OPHN1: variants seen among roughly 807,000 people sequenced by gnomAD.
OPHN1 encodes the protein oligophrenin-1.
In OPHN1, 11 loss-of-function variants were observed where a neutral mutation model predicts 60.7. The ratio of observed to expected loss-of-function variants is 0.18; its 90% CI spans 0.11 to 0.30. OPHN1 has a LOEUF of 0.30. Ranked by LOEUF, OPHN1 falls within the 10% of genes least tolerant of loss-of-function variation. The pLI is 1.00. For synonymous variants in OPHN1, 226 were observed against 222.6 expected (o/e 1.02, Z -0.14); for missense variants, 449 against 611.0 (o/e 0.73, Z 2.80).
chrX:68,266,791 T>C (rs1165484055), intron 5 of OPHN1, among the ~76,000 whole-genome samples: 4 of 111,058 alleles, frequency 3.6e-5, no homozygotes, highest in Non-Finnish European at 7.5e-5. Flanking sequence ...CCATCTCTCG[T>C]GCAGAGACAC....
At chrX:68,253,972 G>A (rs2077848905) in intron 5 of OPHN1, among the ~76,000 whole-genome samples, 2 of 111,880 alleles carry the variant, frequency 1.8e-5, no homozygotes, top group African/African-American at 6.5e-5. Context: ...GCGTCTAGGG[G>A]GTAACGGCAC....
chrX:68,107,438 C>T (rs1289242373), intron 18 of OPHN1, among the ~76,000 whole-genome samples: 6 of 111,539 alleles, frequency 5.4e-5, no homozygotes, highest in Admixed American at 1.9e-4. Context: ...ATTCAGGCTA[C>T]GTATTTTTGG....
intron 2 of OPHN1, among the ~76,000 whole-genome samples, chrX:68,335,268 C>T (rs2078316598): frequency 1.8e-5 from 2 of 110,994 alleles, no homozygotes; most frequent in African/African-American, 6.5e-5. Flanking sequence ...GAGAAGTCCT[C>T]GGACCCCAAA....
intron 2 of OPHN1, among the ~76,000 whole-genome samples, chrX:68,396,249 A>G (rs1205177619): frequency 2.0e-5 from 2 of 102,407 alleles, no homozygotes; most frequent in East Asian, 6.3e-4. Flanking sequence ...CCTGGGAAAC[A>G]TAGTGAGGCT....
chrX:68,290,518 G>C (rs1485517130), intron 3 of OPHN1, among the ~76,000 whole-genome samples: 1 of 110,048 alleles, frequency 9.1e-6, no homozygotes, highest in Non-Finnish European at 1.9e-5. Context: ...AGAATTGCTT[G>C]AACCTGGGAG....
intron 5 of OPHN1, among the ~76,000 whole-genome samples, chrX:68,267,432 G>C (rs758389698): frequency 1.1e-3 from 121 of 111,682 alleles, no homozygotes; most frequent in Middle Eastern, 4.6e-3. Context: ...ATGACTACTG[G>C]GTACATAACG....
At chrX:68,406,229 A>T (rs1441491363) in intron 2 of OPHN1, among the ~76,000 whole-genome samples, 4 of 111,491 alleles carry the variant, frequency 3.6e-5, no homozygotes, top group African/African-American at 1.3e-4. Context: ...AACAGATATT[A>T]TTGGGACAAA....
At chrX:68,360,247 T>C (rs2078465235) in intron 2 of OPHN1, among the ~76,000 whole-genome samples, 1 of 111,011 alleles carries the variant, frequency 9.0e-6, no homozygotes, top group Non-Finnish European at 1.9e-5. Flanking sequence ...GTCACGATCA[T>C]AGCTCACTGC....
Position 68,046,140 on chromosome X carries a change from T to C in OPHN1, c.*1032A>G, listed in dbSNP as rs776603245. The stretch of plus-strand genomic sequence containing the variant: ...ATGGACTATCTCCCCAGAAAGGGCA[T>C]ATTGTCATGGAATTGTGCATACCAT... On this transcript the variant is annotated 3_prime_UTR_variant, in exon 25 of 25. Transcript: ENST00000355520. 26 of 112,394 alleles carry C rather than the reference T, an allele frequency of 2.3e-4. No homozygotes were observed. Among genetic ancestry groups the C allele is most frequent in the Non-Finnish European group, 4.3e-4 (23 of 53,307 alleles). The allele number at this position is 112,394 out of a possible 1,213,427, so 9.3% of individuals were successfully genotyped here.
intron 15 of OPHN1, among the ~76,000 whole-genome samples, chrX:68,174,888 A>G (rs2077407562): frequency 9.1e-6 from 1 of 110,391 alleles, no homozygotes; most frequent in African/African-American, 3.3e-5. Flanking sequence ...GTTCAAGACC[A>G]GCCTGGCCAA....
Position 68,433,443 on chromosome X carries a change from G to A in OPHN1, c.-280C>T, listed in dbSNP as rs2078896102. 1 of 272,564 alleles carries A rather than the reference G, an allele frequency of 3.7e-6. No homozygotes were observed. 22.5% of individuals were successfully genotyped at this position (272,564 alleles called of 1,213,427 possible). A position where few individuals can be genotyped will look rare whatever the true frequency, so the allele number is the denominator to read the frequency against. On this transcript the variant is annotated 5_prime_UTR_variant, in exon 1 of 25. Coordinates refer to ENST00000355520, the MANE Select transcript of OPHN1 (RefSeq NM_002547.3). ...TGTAGGCGAGGTTAGAGCTGGAGCT[G>A]GGAACAGCCTCTCTACAGGCTCCTC...
intron 10 of OPHN1, among the ~76,000 whole-genome samples, chrX:68,205,238 G>A (rs995773622): frequency 5.4e-5 from 6 of 110,600 alleles, no homozygotes; most frequent in East Asian, 2.9e-4. Context: ...ACCTGAGGTC[G>A]GGAATTCGAG....
chrX:68,149,450 T>C (rs1234800788), intron 15 of OPHN1, among the ~76,000 whole-genome samples: 1 of 111,805 alleles, frequency 8.9e-6, no homozygotes, highest in African/African-American at 3.2e-5. Context: ...GTATCATTTA[T>C]ATATACCCTG....
Position 68,251,454 on chromosome X carries a change from G to A in OPHN1, c.385-16866C>T, listed in dbSNP as rs751552199. Among the ~76,000 whole-genome samples, 9 of 109,214 alleles carry A rather than the reference G, an allele frequency of 8.2e-5. No individual in the cohort carries two copies. The East Asian group carries it at 2.1e-3, about 25-fold the overall frequency. The allele number at this position is 109,214 out of a possible 115,157, so 94.8% of individuals were successfully genotyped here. On this transcript the variant is annotated intron_variant, in intron 5 of 24. Coordinates refer to ENST00000355520, the MANE Select transcript of OPHN1 (RefSeq NM_002547.3). Reference sequence around the variant, plus strand: ...CTGCCTTGGCCTCCCAAAGTGCTGCGATTACAGGCGAGAGCCACCGCACCT... The same window carrying A: ...CTGCCTTGGCCTCCCAAAGTGCTGCAATTACAGGCGAGAGCCACCGCACCT...
At chrX:68,191,393 A>G (rs2077487294) in intron 15 of OPHN1, among the ~76,000 whole-genome samples, 1 of 111,971 alleles carries the variant, frequency 8.9e-6, no homozygotes, top group Non-Finnish European at 1.9e-5. Context: ...GGGCAAGTGA[A>G]TATTTGCATT....
chrX:68,136,096 T>C (rs2077218029), intron 15 of OPHN1, among the ~76,000 whole-genome samples: 1 of 110,685 alleles, frequency 9.0e-6, no homozygotes, highest in Admixed American at 9.6e-5. Flanking sequence ...ATCTGTGCTG[T>C]CCAATAGGGC....
intron 18 of OPHN1, among the ~76,000 whole-genome samples, chrX:68,097,230 G>C (rs188994699): frequency 8.9e-6 from 1 of 111,752 alleles, no homozygotes; most frequent in East Asian, 2.8e-4. Context: ...AATCAAAGTG[G>C]TTAGACATAG....
intron 17 of OPHN1, 27 bp downstream of exon 17, chrX:68,113,154 C>A (rs1431491670): frequency 8.7e-7 from 1 of 1,154,888 alleles, no homozygotes. Context: ...TAGGACAACA[C>A]AGTTAATTAG....
chrX:68,318,813 T>C (rs1476886521), intron 2 of OPHN1, among the ~76,000 whole-genome samples: 2 of 111,972 alleles, frequency 1.8e-5, no homozygotes, highest in Non-Finnish European at 3.8e-5. Flanking sequence ...CAGACTTTCC[T>C]TGTTCTTGAT....
Sources: gnomAD v4.1 joint callset for allele counts (sites outside exome capture counted in the v4.1 genomes callset) on GRCh38, gnomAD v4.1.1 for gene constraint, MANE v1.5 for transcripts, NCBI Gene and HGNC (gene_info 2026-07-23, HGNC 2026-07-21) for gene names.